Variants in EPHA7 observed in about 807,000 individuals in gnomAD.
EPHA7 encodes the protein EPH receptor A7.
EPHA7 carries 25 observed loss-of-function variants against 112.6 expected under a neutral mutation model. That is an observed-to-expected ratio of 0.22 (90% CI 0.16 to 0.31). EPHA7 has a LOEUF of 0.31. Among genes scored for constraint, EPHA7 ranks in the 10% least tolerant of loss-of-function variants. EPHA7 has a pLI of 1.00. For missense variants in EPHA7, 962 were observed against 1,212.6 expected, an observed-to-expected ratio of 0.79 and a Z score of 3.07; for synonymous variants, 437 against 406.5, an observed-to-expected ratio of 1.07 and a Z score of -0.90.
Position 93,258,258 on chromosome 6 carries a change from G to T in EPHA7, c.1951C>A (p.Arg651Ser), listed in dbSNP as rs571637670. 1.9e-6 allele frequency: 3 copies of T among 1,608,856 alleles called. No homozygotes were observed. The highest frequency in any genetic ancestry group is 2.2e-5 in the East Asian group (1 of 44,720). ...TCTCTTTTCCCTGGAAGTTTCAAAC[G>T]GCCACTGCAGACTTCACCGAATTCT... ...AGEFGEVCSG[R>S]LKLPGKRDVA... is the part of the protein sequence containing the mutation. The change falls in exon 11 of 17, where the codon CGT becomes AGT. Residue 651 changes from arginine (R) to serine (S), a missense_variant. Around this residue, in one of 3 missense-constraint regions of EPHA7, gnomAD observed 746 missense variants for 889.2 expected, o/e 0.84. Transcript: ENST00000369303.
At chr6:93,338,022 G>C (rs930762634) in intron 5 of EPHA7, among the ~76,000 whole-genome samples, 9 of 151,730 alleles carry the variant, frequency 5.9e-5, no homozygotes, top group Admixed American at 2.6e-4. Flanking sequence ...GGGAGGGAGA[G>C]AACAAAAGGG....
intron 5 of EPHA7, among the ~76,000 whole-genome samples, chr6:93,345,448 A>G (rs1375886407): frequency 6.6e-6 from 1 of 151,692 alleles, no homozygotes. Context: ...CTGTATGTAC[A>G]TCTCTGCCAT....
In EPHA7 at chr6:93,242,438, T is replaced by C. The variant is rs909402856; in HGVS notation, c.*988A>G. 1 of 193,444 alleles carries C rather than the reference T, an allele frequency of 5.2e-6. No individual in the cohort carries two copies. The highest frequency in any genetic ancestry group is 1.1e-5 in the Non-Finnish European group (1 of 92,498). The allele number at this position is 193,444 out of a possible 1,614,324, so 12.0% of individuals were successfully genotyped here. ...ATATAAAATATATGTCAACTATTTATCCTAAATTTCCTAATGTCACGAGAA... is the reference window on the plus strand; with the variant it reads ...ATATAAAATATATGTCAACTATTTACCCTAAATTTCCTAATGTCACGAGAA... On this transcript the variant is annotated 3_prime_UTR_variant, in exon 17 of 17. Coordinates refer to ENST00000369303, the MANE Select transcript of EPHA7 (RefSeq NM_004440.4).
intron 3 of EPHA7, among the ~76,000 whole-genome samples, chr6:93,403,001 T>C (rs1778503862): frequency 1.3e-5 from 2 of 152,016 alleles, no homozygotes; most frequent in African/African-American, 2.4e-5. Context: ...AATGTGACAA[T>C]AGATAACAGT....
chr6:93,247,028 C>A (rs1769986008), intron 14 of EPHA7, 43 bp from the exon 15 acceptor site: 3 of 1,479,212 alleles, frequency 2.0e-6, no homozygotes, highest in Admixed American at 2.0e-5. Flanking sequence ...GATTTAGGTT[C>A]AATTATAATA....
chr6:93,261,094 T>C (rs918631611), intron 9 of EPHA7, among the ~76,000 whole-genome samples: 1 of 151,676 alleles, frequency 6.6e-6, no homozygotes, highest in Non-Finnish European at 1.5e-5. Context: ...AGAGCTTTTT[T>C]TGGCATAAAA....
At chr6:93,340,568 C>A (rs1562108565) in intron 5 of EPHA7, among the ~76,000 whole-genome samples, 1 of 150,228 alleles carries the variant, frequency 6.7e-6, no homozygotes. Context: ...TACAAAACTC[C>A]AAAAAAAAAT....
chr6:93,289,086 G>GC (rs986709905), intron 5 of EPHA7, among the ~76,000 whole-genome samples: 1 of 150,910 alleles, frequency 6.6e-6, no homozygotes, highest in African/African-American at 2.5e-5. Flanking sequence ...TGGATAGGAA[G>GC]CTTTTTTTCC....
intron 3 of EPHA7, among the ~76,000 whole-genome samples, chr6:93,399,683 C>T (rs1040614623): frequency 2.0e-5 from 3 of 151,700 alleles, no homozygotes; most frequent in Non-Finnish European, 4.4e-5. Flanking sequence ...TGTGTGTGTG[C>T]GCGTGCACAT....
chr6:93,254,908 G>A, intron 13 of EPHA7, 112 bp from the exon 14 acceptor site: 1 of 757,116 alleles, frequency 1.3e-6, no homozygotes, highest in Non-Finnish European at 2.0e-6. Context: ...GCAGCATCAG[G>A]TCTACCCATC....
chr6:93,395,324 A>G (rs566337265), intron 3 of EPHA7, among the ~76,000 whole-genome samples: 1 of 151,840 alleles, frequency 6.6e-6, no homozygotes, highest in African/African-American at 2.4e-5. Context: ...GTAATTCAGA[A>G]TTGTCTTGGA....
chr6:93,350,596 A>G (rs1775641020), intron 5 of EPHA7, among the ~76,000 whole-genome samples: 1 of 152,090 alleles, frequency 6.6e-6, no homozygotes. Flanking sequence ...TGATGGGGAT[A>G]AAACATAATT....
At position 93,242,365 on chromosome 6, in the gene EPHA7, TA is replaced by T. The variant is rs919226682; in HGVS notation, c.*1060del. On this transcript the variant is annotated 3_prime_UTR_variant, in exon 17 of 17. Coordinates refer to ENST00000369303, the MANE Select transcript of EPHA7 (RefSeq NM_004440.4). The stretch of plus-strand genomic sequence containing the variant: ...TTTATCATGCTTCAGAGTTATAATA[TA>T]AAACAATTATTTCCTTTCATGTTTG... 5.0e-6 allele frequency: 1 copy of T among 198,816 alleles called. No individual in the cohort carries two copies. The highest frequency in any genetic ancestry group is 2.3e-5 in the African/African-American group (1 of 43,512). The allele number at this position is 198,816 out of a possible 1,614,324, so 12.3% of individuals were successfully genotyped here. A position where few individuals can be genotyped will look rare whatever the true frequency, so the allele number is the denominator to read the frequency against.
intron 3 of EPHA7, among the ~76,000 whole-genome samples, chr6:93,365,167 G>A (rs2127954293): frequency 6.6e-6 from 1 of 152,166 alleles, no homozygotes; most frequent in East Asian, 1.9e-4. Flanking sequence ...TTTTCTGAAG[G>A]AATTATGTAT....
intron 14 of EPHA7, among the ~76,000 whole-genome samples, chr6:93,248,768 AGCTCACT>A (rs1401813672): frequency 6.6e-6 from 1 of 152,124 alleles, no homozygotes; most frequent in African/African-American, 2.4e-5. Context: ...GCACGATCAC[AGCTCACT>A]GCAGCCTTGA....
intron 5 of EPHA7, among the ~76,000 whole-genome samples, chr6:93,314,913 A>G (rs1773723809): frequency 8.4e-6 from 1 of 119,628 alleles, no homozygotes; most frequent in African/African-American, 3.4e-5. Flanking sequence ...CCCAGGCTGG[A>G]GTGCAGTGGC....
intron 3 of EPHA7, among the ~76,000 whole-genome samples, chr6:93,377,614 A>G (rs1777127613): frequency 6.6e-6 from 1 of 152,048 alleles, no homozygotes; most frequent in African/African-American, 2.4e-5. Flanking sequence ...ACCATCCCTT[A>G]TCTTATATCA....
rs16871257 is a variant in EPHA7 at position 93,367,608 on chromosome 6, A to T, written c.833-9197T>A. ...GCTTGTTCTTTATATCAATTATAAG[A>T]CTGTTAGAACACACACACACACAAA... On this transcript the variant is annotated intron_variant, in intron 3 of 16. Transcript: ENST00000369303. Among the ~76,000 whole-genome samples the T allele has an allele frequency of 8.1e-3, 1,239 of 152,174 alleles. 27 individuals carry two copies. Among genetic ancestry groups the T allele is most frequent in the African/African-American group, 0.028 (1,148 of 41,544 alleles).
Position 93,417,758 on chromosome 6 carries a change from G to A in EPHA7, c.97+1487C>T, listed in dbSNP as rs930257267. On this transcript the variant is annotated intron_variant, in intron 1 of 16. Coordinates refer to ENST00000369303, the MANE Select transcript of EPHA7 (RefSeq NM_004440.4). ...GTGGTTTTGGAGGGGATGAGCGTGC[G>A]TTTCTAGCAGATGTCCGTCCTTCTG... Among the ~76,000 whole-genome samples the A allele has an allele frequency of 2.6e-5, 4 of 152,022 alleles. No individual in the cohort carries two copies. In the South Asian group the frequency reaches 6.2e-4, roughly 24 times the overall value.
Sources: allele counts gnomAD v4.1 joint callset (sites outside exome capture counted in the v4.1 genomes callset), GRCh38; gene constraint gnomAD v4.1.1; regional missense constraint gnomAD v4.1.1; transcripts MANE v1.5; gene names NCBI Gene and HGNC (gene_info 2026-07-23, HGNC 2026-07-21).